The following NFATC3 variants were observed in gnomAD, a reference collection of about 807,000 sequenced individuals.
NFATC3 encodes nuclear factor of activated T-cells, cytoplasmic 3.
In NFATC3, 46 loss-of-function variants were observed where a neutral mutation model predicts 98.6. The ratio of observed to expected loss-of-function variants is 0.47; its 90% confidence interval spans 0.37 to 0.60. The LOEUF (loss-of-function observed/expected upper bound fraction) is 0.60, where lower values mean the gene tolerates loss of function less well. NFATC3 is among the 20% of genes least tolerant of loss of function. The probability of loss-of-function intolerance (pLI) is 0.00; values close to 1 mark genes in which losing one functional copy is unlikely to be tolerated. For synonymous variants in NFATC3, 512 were observed against 472.2 expected (o/e 1.08, Z -1.09); for missense variants, 1,256 against 1,295.5 (o/e 0.97, Z 0.47).
intron 9 of NFATC3, among the ~76,000 whole-genome samples, chr16:68,205,448 A>C (rs1036381185): frequency 2.0e-5 from 3 of 152,038 alleles, no homozygotes; most frequent in Admixed American, 6.6e-5. Context: ...GCAGGCTTTT[A>C]CTACGTTGCT....
chr16:68,143,759 G>C (rs1314098038), intron 3 of NFATC3, among the ~76,000 whole-genome samples: 1 of 152,168 alleles, frequency 6.6e-6, no homozygotes, highest in East Asian at 1.9e-4. Context: ...GGCTGAGGCA[G>C]GAGAATTGCT....
At chr16:68,146,788 T>C (rs559496658) in intron 3 of NFATC3, among the ~76,000 whole-genome samples, 52 of 152,340 alleles carry the variant, frequency 3.4e-4, no homozygotes, top group Non-Finnish European at 4.7e-4. Context: ...ATGGAAACGA[T>C]ACAGAAACAT....
intron 9 of NFATC3, chr16:68,209,856 C>T: frequency 1.3e-5 from 4 of 318,756 alleles, no homozygotes; most frequent in South Asian, 2.5e-5. Context: ...CACAGACACA[C>T]ACACACACAC....
At chr16:68,163,326 G>A (rs551830014) in intron 4 of NFATC3, among the ~76,000 whole-genome samples, 3 of 151,338 alleles carry the variant, frequency 2.0e-5, no homozygotes, top group Non-Finnish European at 3.0e-5. Flanking sequence ...GGGCAGAGGC[G>A]CCCCTCACCT....
chr16:68,203,645 A>T (rs1278470296), intron 9 of NFATC3, among the ~76,000 whole-genome samples: 2 of 152,224 alleles, frequency 1.3e-5, no homozygotes, highest in Non-Finnish European at 2.9e-5. Context: ...AATAAATAAA[A>T]TGCAATTAAA....
At chr16:68,179,323 A>C (rs1236900202) in intron 6 of NFATC3, among the ~76,000 whole-genome samples, 1 of 152,212 alleles carries the variant, frequency 6.6e-6, no homozygotes, top group East Asian at 1.9e-4. Flanking sequence ...CCTTTCATCC[A>C]CAGGCTGAAG....
Position 68,215,611 on chromosome 16 carries a change from A to T in NFATC3, c.3107-10739A>T, listed in dbSNP as rs140497891. 6.8e-3 allele frequency among the ~76,000 whole-genome samples: 1,040 copies of T among 152,292 alleles called. 13 individuals carry two copies. Among genetic ancestry groups the T allele is most frequent in the African/African-American group, 0.022 (926 of 41,566 alleles). ...GAACATAGAAGAAACAGCAGTGTAG[A>T]CAACTCCTTTAAGATGTTAAGCCAT... On this transcript the variant is annotated intron_variant, in intron 9 of 9. Transcript: ENST00000346183.
intron 3 of NFATC3, among the ~76,000 whole-genome samples, chr16:68,127,051 A>G (rs2036869625): frequency 6.6e-6 from 1 of 151,982 alleles, no homozygotes; most frequent in Non-Finnish European, 1.5e-5. Flanking sequence ...CGTCTCTACT[A>G]AAAATACAAA....
At chr16:68,209,106 A>G (rs1244206881) in intron 9 of NFATC3, among the ~76,000 whole-genome samples, 1 of 152,200 alleles carries the variant, frequency 6.6e-6, no homozygotes, top group Non-Finnish European at 1.5e-5. Context: ...TTTGTTGATA[A>G]TGATAGGAAC....
At chr16:68,203,369 C>T (rs149313634) in intron 9 of NFATC3, among the ~76,000 whole-genome samples, 92 of 152,196 alleles carry the variant, frequency 6.0e-4, no homozygotes, top group South Asian at 2.7e-3. Flanking sequence ...TGCTGTGGCT[C>T]GTGTGTAATC....
chr16:68,191,956 C>T, intron 9 of NFATC3, 181 bp downstream of exon 9: 1 of 650,234 alleles, frequency 1.5e-6, no homozygotes, highest in Non-Finnish European at 2.5e-6. Flanking sequence ...ACGCCTGTAT[C>T]CCAGCACTTT....
chr16:68,118,412 A>G (rs1440004562), intron 1 of NFATC3, among the ~76,000 whole-genome samples: 1 of 152,222 alleles, frequency 6.6e-6, no homozygotes, highest in South Asian at 2.1e-4. Context: ...AACAGTTTCT[A>G]TAAAATATTA....
At chr16:68,161,688 T>G (rs1284928717) in intron 4 of NFATC3, among the ~76,000 whole-genome samples, 1 of 152,230 alleles carries the variant, frequency 6.6e-6, no homozygotes, top group Non-Finnish European at 1.5e-5. Flanking sequence ...TTATAGTAAT[T>G]TGTACAACTC....
chr16:68,207,006 A>T (rs1467846764), intron 9 of NFATC3, among the ~76,000 whole-genome samples: 3 of 130,196 alleles, frequency 2.3e-5, no homozygotes, highest in Non-Finnish European at 3.3e-5. Flanking sequence ...CATACATATT[A>T]AAAAAAAAAA....
At chr16:68,181,931 A>C (rs1207482762) in intron 7 of NFATC3, among the ~76,000 whole-genome samples, 1 of 152,134 alleles carries the variant, frequency 6.6e-6, no homozygotes, top group Non-Finnish European at 1.5e-5. Flanking sequence ...TGTCTAAAAA[A>C]GTAAAATTTC....
chr16:68,165,281 TA>T (rs1303180746), intron 4 of NFATC3, among the ~76,000 whole-genome samples: 3 of 151,960 alleles, frequency 2.0e-5, no homozygotes, highest in Admixed American at 6.6e-5. Flanking sequence ...TTGTTGCATT[TA>T]AAAAAAATTC....
rs187440174 is a variant in NFATC3, at chr16:68,139,916, G to C, written c.1401+13306G>C. On this transcript the variant is annotated intron_variant, in intron 3 of 9. Transcript: ENST00000346183. ...TCAGATCTTTGTGAGAGCAAATACA[G>C]ACCTGAAATTTGATGGAGTTGAATC... is the stretch of plus-strand genomic sequence containing the variant. Among the ~76,000 whole-genome samples the C allele has an allele frequency of 2.8e-3, 427 of 152,282 alleles. 1 individual carries two copies. The highest frequency in any genetic ancestry group is 9.7e-3 in the African/African-American group (405 of 41,572).
At chr16:68,203,777 G>A (rs1037706700) in intron 9 of NFATC3, among the ~76,000 whole-genome samples, 5 of 152,284 alleles carry the variant, frequency 3.3e-5, no homozygotes, top group South Asian at 2.1e-4. Context: ...ATGGCTGGGC[G>A]CGGTGGCTCG....
At chr16:68,107,771 T>C (rs2035738852) in intron 1 of NFATC3, among the ~76,000 whole-genome samples, 1 of 151,944 alleles carries the variant, frequency 6.6e-6, no homozygotes, top group African/African-American at 2.4e-5. Context: ...CTGACTGGTT[T>C]GAGATGGTAT....
Sources: gnomAD v4.1 joint callset for allele counts (sites outside exome capture counted in the v4.1 genomes callset) on GRCh38, gnomAD v4.1.1 for gene constraint, MANE v1.5 for transcripts, NCBI Gene and HGNC (gene_info 2026-07-23, HGNC 2026-07-21) for gene names.